Variants in AUTS2 observed in about 807,000 individuals in gnomAD.
AUTS2 encodes autism susceptibility gene 2 protein.
In AUTS2, 17 loss-of-function variants were observed where a neutral mutation model predicts 112.4. That is an observed-to-expected ratio of 0.15 (90% confidence interval 0.10 to 0.23). The LOEUF (loss-of-function observed/expected upper bound fraction) is 0.23. Ranked by LOEUF, AUTS2 falls within the 10% of genes least tolerant of loss-of-function variation. The pLI, the probability that AUTS2 is intolerant of heterozygous loss-of-function variation, is 1.00. For missense variants in AUTS2, 1,510 were observed against 1,701.6 expected, an observed-to-expected ratio of 0.89 and a Z score of 1.98; for synonymous variants, 751 against 702.7, an observed-to-expected ratio of 1.07 and a Z score of -1.09.
At chr7:69,825,525 A>G (rs767748942) in intron 1 of AUTS2, among the ~76,000 whole-genome samples, 1 of 151,922 alleles carries the variant, frequency 6.6e-6, no homozygotes, top group African/African-American at 2.4e-5. Context: ...GATTTTGACA[A>G]TGGAGCCATG....
At chr7:70,016,720 T>G (rs1005981708) in intron 2 of AUTS2, among the ~76,000 whole-genome samples, 1 of 150,356 alleles carries the variant, frequency 6.7e-6, no homozygotes, top group Non-Finnish European at 1.5e-5. Flanking sequence ...TGGGCTGGAG[T>G]GCAGTAGCTC....
chr7:70,186,809 T>G (rs891172810), intron 4 of AUTS2, among the ~76,000 whole-genome samples: 2 of 152,186 alleles, frequency 1.3e-5, no homozygotes, highest in African/African-American at 4.8e-5. Context: ...CCTCAGGTGA[T>G]CCACCTGCCT....
chr7:70,105,198 CAATTT>C (rs1446150009), intron 2 of AUTS2, among the ~76,000 whole-genome samples: 3 of 152,002 alleles, frequency 2.0e-5, no homozygotes, highest in Non-Finnish European at 1.5e-5. Flanking sequence ...TTGGGAAGTA[CAATTT>C]AATTTATAGC....
chr7:70,543,307 G>T (rs1800629124), intron 5 of AUTS2, among the ~76,000 whole-genome samples: 1 of 152,052 alleles, frequency 6.6e-6, no homozygotes, highest in South Asian at 2.1e-4. Flanking sequence ...TTTGAGACCA[G>T]CCTGACCAAG....
chr7:70,229,071 A>G (rs1426079726), intron 4 of AUTS2, among the ~76,000 whole-genome samples: 1 of 151,914 alleles, frequency 6.6e-6, no homozygotes, highest in African/African-American at 2.4e-5. Flanking sequence ...CAATTTTACA[A>G]GTACTGATTT....
chr7:70,196,520 CT>C (rs551834703), intron 4 of AUTS2, among the ~76,000 whole-genome samples: 4 of 152,196 alleles, frequency 2.6e-5, no homozygotes, highest in Non-Finnish European at 4.4e-5. Context: ...TTGGAACCCC[CT>C]CATGCCATGT....
chr7:70,349,069 A>G (rs781448879), intron 4 of AUTS2, among the ~76,000 whole-genome samples: 1 of 152,208 alleles, frequency 6.6e-6, no homozygotes, highest in South Asian at 2.1e-4. Context: ...CAAACCCCAT[A>G]TGAAGTAGAC....
intron 5 of AUTS2, among the ~76,000 whole-genome samples, chr7:70,628,711 C>CT (rs1397417089): frequency 6.6e-6 from 1 of 151,996 alleles, no homozygotes; most frequent in Non-Finnish European, 1.5e-5. Context: ...GCAGGGAGAC[C>CT]AGTTAGGATG....
intron 5 of AUTS2, among the ~76,000 whole-genome samples, chr7:70,643,568 T>G (rs1805975771): frequency 6.6e-6 from 1 of 151,988 alleles, no homozygotes; most frequent in Non-Finnish European, 1.5e-5. Context: ...AGACTCCGTC[T>G]AAAAAAAATA....
intron 1 of AUTS2, among the ~76,000 whole-genome samples, chr7:69,765,624 T>G (rs1158516535): frequency 6.6e-6 from 1 of 152,158 alleles, no homozygotes; most frequent in Non-Finnish European, 1.5e-5. Flanking sequence ...GTCTAATTTT[T>G]ATTTAAAATT....
chr7:70,763,119 C>T lies in AUTS2; in HGVS notation c.992C>T (p.Pro331Leu), dbSNP rs1789674742. The T allele has an allele frequency of 6.2e-7, 1 of 1,613,902 alleles. No homozygotes were observed. Among genetic ancestry groups the T allele is most frequent in the African/African-American group, 1.3e-5 (1 of 74,914 alleles). The change falls in exon 7 of 19, where the codon CCA (proline) becomes CTA (leucine). Residue 331 changes from proline to leucine, a missense_variant. Transcript: ENST00000342771. ...DPDLVQRTEA[P>L]PQPPPLSTQP... ...GACTTGGTGCAGCGCACAGAGGCCC[C>T]ACCTCAACCCCCACCTCTGAGTACA...
chr7:69,771,488 C>T (rs1788660058), intron 1 of AUTS2, among the ~76,000 whole-genome samples: 1 of 152,088 alleles, frequency 6.6e-6, no homozygotes, highest in East Asian at 1.9e-4. Context: ...GATCTGTGTG[C>T]AAGTAGATGG....
chr7:70,769,408 G>T (rs1480201570), intron 10 of AUTS2, among the ~76,000 whole-genome samples: 1 of 152,198 alleles, frequency 6.6e-6, no homozygotes, highest in African/African-American at 2.4e-5. Context: ...AATTCAGGCT[G>T]GGTGCAGTGG....
chr7:70,677,990 G>A (rs2129544845), intron 5 of AUTS2, among the ~76,000 whole-genome samples: 1 of 152,246 alleles, frequency 6.6e-6, no homozygotes, highest in East Asian at 1.9e-4. Context: ...GCTGAGGCAG[G>A]AGAATGGCGT....
At chr7:70,385,014 G>A (rs903189504) in intron 4 of AUTS2, among the ~76,000 whole-genome samples, 7 of 152,216 alleles carry the variant, frequency 4.6e-5, no homozygotes, top group African/African-American at 1.7e-4. Flanking sequence ...TTTTCCCTGC[G>A]TTTCTAGGAT....
chr7:69,891,894 A>G (rs2129539318), intron 1 of AUTS2, among the ~76,000 whole-genome samples: 1 of 138,282 alleles, frequency 7.2e-6, no homozygotes, highest in Admixed American at 8.2e-5. Context: ...TCTGGGTTCA[A>G]GCGATTCTCC....
At chr7:70,618,531 C>G (rs992973717) in intron 5 of AUTS2, among the ~76,000 whole-genome samples, 9 of 152,210 alleles carry the variant, frequency 5.9e-5, no homozygotes, top group Non-Finnish European at 1.0e-4. Flanking sequence ...TATTTCATAT[C>G]CACAGAGCAT....
intron 5 of AUTS2, among the ~76,000 whole-genome samples, chr7:70,487,375 T>C (rs1172376667): frequency 6.6e-6 from 1 of 152,206 alleles, no homozygotes; most frequent in Non-Finnish European, 1.5e-5. Flanking sequence ...TTACCTTTCT[T>C]GTTGTTTTCA....
At chr7:70,002,712 C>G (rs1389323069) in intron 2 of AUTS2, among the ~76,000 whole-genome samples, 1 of 152,078 alleles carries the variant, frequency 6.6e-6, no homozygotes, top group Non-Finnish European at 1.5e-5. Context: ...ATGGTATTTT[C>G]AAGTACCTTA....
Sources: allele counts gnomAD v4.1 joint callset (sites outside exome capture counted in the v4.1 genomes callset), GRCh38; gene constraint gnomAD v4.1.1; transcripts MANE v1.5; gene names NCBI Gene and HGNC (gene_info 2026-07-23, HGNC 2026-07-21).